LIPA: variants seen among roughly 807,000 people sequenced by gnomAD.
LIPA encodes the protein lipase A, lysosomal acid type.
A neutral mutation model predicts 40.6 loss-of-function variants in LIPA; 26 were observed. The observed-to-expected ratio is 0.64, with a 90% CI of 0.47 to 0.89. The LOEUF (loss-of-function observed/expected upper bound fraction) is 0.89, where lower values mean the gene tolerates loss of function less well. LIPA is among the 40% of genes least tolerant of loss of function. The pLI is 0.00. For synonymous variants in LIPA, 188 were observed against 168.4 expected, an observed-to-expected ratio of 1.12 and a Z score of -0.90; for missense variants, 455 against 479.6, an observed-to-expected ratio of 0.95 and a Z score of 0.48.
chr10:89,292,431 T>C (rs1394473389), intron 1 of LIPA: 1 of 152,346 alleles, frequency 6.6e-6, no homozygotes, highest in South Asian at 2.1e-4. Flanking sequence ...TACCTGATAA[T>C]ACTATAGTCA....
chr10:89,310,550 A>T (rs539759239), intron 1 of LIPA, among the ~76,000 whole-genome samples: 1 of 152,306 alleles, frequency 6.6e-6, no homozygotes, highest in Non-Finnish European at 1.5e-5. Context: ...AATTTTCCCC[A>T]TGATTAATAG....
intron 1 of LIPA, among the ~76,000 whole-genome samples, chr10:89,272,663 A>G (rs555219397): frequency 1.8e-4 from 28 of 152,286 alleles, no homozygotes; most frequent in Admixed American, 3.3e-4. Flanking sequence ...GTCTTTGGGG[A>G]ATCACCACAC....
At chr10:89,393,405 G>C in intron 2 of LIPA, 1 of 803,064 alleles carries the variant, frequency 1.2e-6, no homozygotes, top group South Asian at 1.8e-5. Context: ...CTTACCTAAA[G>C]GGCCTAATGT....
chr10:89,217,068 C>T (rs1433080018), intron 8 of LIPA, among the ~76,000 whole-genome samples: 1 of 152,042 alleles, frequency 6.6e-6, no homozygotes, highest in Non-Finnish European at 1.5e-5. Context: ...AGTGCAAATC[C>T]ATATTTCCTC....
intron 1 of LIPA, chr10:89,306,217 C>T (rs750568486): frequency 6.2e-7 from 1 of 1,613,994 alleles, no homozygotes; most frequent in African/African-American, 1.3e-5. Context: ...AGCATGCTGA[C>T]CAGGCAGAAA....
At chr10:89,261,419 C>G (rs1843206975) in intron 1 of LIPA, among the ~76,000 whole-genome samples, 1 of 152,146 alleles carries the variant, frequency 6.6e-6, no homozygotes, top group Non-Finnish European at 1.5e-5. Context: ...GCAGGAGAAT[C>G]GCTTGAACCC....
chr10:89,352,422 G>A (rs1470182545), intron 2 of LIPA, among the ~76,000 whole-genome samples: 1 of 152,178 alleles, frequency 6.6e-6, no homozygotes, highest in Non-Finnish European at 1.5e-5. Context: ...AATTGCACAT[G>A]TGCATATTTT....
chr10:89,323,691 AC>A (rs1843583087), intron 1 of LIPA, among the ~76,000 whole-genome samples: 1 of 152,172 alleles, frequency 6.6e-6, no homozygotes, highest in Admixed American at 6.6e-5. Flanking sequence ...CACAATAGCC[AC>A]AAAAAGAATA....
rs1564807735 is a variant in LIPA at position 89,394,604 on chromosome 10, A to ATATATATATATATATATATTT, written c.61+18186_61+18187insAAATATATATATATATATATA. On this transcript the variant is annotated intron_variant, in intron 2 of 8. Coordinates refer to the LIPA transcript ENST00000371837. ...TATATATATATATATATATATATATATATATATATATATATATATATATAA... is the reference window on the plus strand; with the variant it reads ...TATATATATATATATATATATATATATATATATATATATATATATTTTATATATATATATATATATATATAA... Among the ~76,000 whole-genome samples, 5 of 48,140 alleles carry ATATATATATATATATATATTT rather than the reference A, an allele frequency of 1.0e-4. No homozygotes were observed. In the African/African-American group the frequency reaches 1.1e-3, roughly 11 times the overall value. 31.6% of individuals were successfully genotyped at this position (48,140 alleles called of 152,430 possible). A position where few individuals can be genotyped will look rare whatever the true frequency, so the allele number is the denominator to read the frequency against.
intron 8 of LIPA, among the ~76,000 whole-genome samples, chr10:89,221,783 A>G (rs1006985383): frequency 7.2e-5 from 11 of 152,214 alleles, no homozygotes; most frequent in African/African-American, 2.7e-4. Context: ...TACATCTACT[A>G]TTTCTATCCA....
chr10:89,323,562 G>C (rs1843582654), intron 1 of LIPA, among the ~76,000 whole-genome samples: 1 of 151,888 alleles, frequency 6.6e-6, no homozygotes, highest in Non-Finnish European at 1.5e-5. Context: ...AAAGCTCGTA[G>C]GTCTAATAAA....
At chr10:89,375,119 C>T (rs1844112854) in intron 2 of LIPA, among the ~76,000 whole-genome samples, 6 of 152,242 alleles carry the variant, frequency 3.9e-5, no homozygotes, top group Admixed American at 3.9e-4. Flanking sequence ...TTACTGAATG[C>T]TGTTAAATGA....
chr10:89,333,357 CAT>C lies in LIPA; in HGVS notation c.-2+9252_-2+9253del, dbSNP rs200618434. ...AACAGAAATAAGGTCCAGAAACAAA[CAT>C]ATATTTAAAGAGGACCACAAGTACT... On this transcript the variant is annotated intron_variant, in intron 1 of 5. Transcript: ENST00000282673. 7.6e-3 allele frequency among the ~76,000 whole-genome samples: 1,156 copies of C among 152,296 alleles called. 12 individuals are homozygous for C. Among genetic ancestry groups the C allele is most frequent in the African/African-American group, 0.026 (1,071 of 41,554 alleles).
rs1424684435 is a variant in LIPA at position 89,412,999 on chromosome 10, C to T, written c.-71-77G>A. 2 of 176,656 alleles carry T rather than the reference C, an allele frequency of 1.1e-5. 1 individual carries two copies. The highest frequency in any genetic ancestry group is 2.5e-5 in the Non-Finnish European group (2 of 80,938). The allele number at this position is 176,656 out of a possible 1,614,324, so 10.9% of individuals were successfully genotyped here. A position where few individuals can be genotyped will look rare whatever the true frequency, so the allele number is the denominator to read the frequency against. ...TCACTTAGCTATACTTCTTGATGCT[C>T]TCCCTCCCACCACCCCCAACTCCAA... On this transcript the variant is annotated intron_variant, in intron 1 of 8. Transcript: ENST00000371837.
chr10:89,369,110 TACGGCA>T (rs1409640107), intron 2 of LIPA, among the ~76,000 whole-genome samples: 4 of 152,296 alleles, frequency 2.6e-5, no homozygotes, highest in African/African-American at 9.6e-5. Flanking sequence ...CTCCACAGTC[TACGGCA>T]AAGGAAAAAC....
chr10:89,393,300 A>C, intron 2 of LIPA: 3 of 1,288,688 alleles, frequency 2.3e-6, no homozygotes, highest in Non-Finnish European at 3.0e-6. Context: ...GCTGAGCTTA[A>C]GATAAACAGA....
intron 3 of LIPA, among the ~76,000 whole-genome samples, chr10:89,230,681 G>A (rs1048960862): frequency 1.3e-5 from 2 of 151,984 alleles, no homozygotes; most frequent in Admixed American, 1.3e-4. Flanking sequence ...TGACACCTTG[G>A]GGAAACATCT....
chr10:89,273,561 A>G (rs991375007), intron 1 of LIPA, among the ~76,000 whole-genome samples: 1 of 152,214 alleles, frequency 6.6e-6, no homozygotes. Flanking sequence ...GACACCCTGG[A>G]AAGTGTTGTG....
chr10:89,360,208 C>G (rs1178278345), intron 2 of LIPA, among the ~76,000 whole-genome samples: 1 of 152,132 alleles, frequency 6.6e-6, no homozygotes, highest in Non-Finnish European at 1.5e-5. Context: ...TGCCTAGCAT[C>G]TATTTAGAGA....
Sources: allele counts gnomAD v4.1 joint callset (sites outside exome capture counted in the v4.1 genomes callset), GRCh38; gene constraint gnomAD v4.1.1; transcripts MANE v1.5; gene names NCBI Gene and HGNC (gene_info 2026-07-23, HGNC 2026-07-21).